OBP2B: variants seen among roughly 807,000 people sequenced by gnomAD.
OBP2B encodes odorant binding protein 2B.
In OBP2B, 10 loss-of-function variants were observed where a neutral mutation model predicts 21.7. The ratio of observed to expected loss-of-function variants is 0.46; its 90% CI spans 0.28 to 0.78. OBP2B has a LOEUF of 0.78. OBP2B is among the 30% of genes least tolerant of loss of function. The probability of loss-of-function intolerance (pLI) is 0.11; values close to 1 mark genes in which losing one functional copy is unlikely to be tolerated. For synonymous variants in OBP2B, 73 were observed against 91.5 expected, an observed-to-expected ratio of 0.80 and a Z score of 1.16; for missense variants, 153 against 217.7, an observed-to-expected ratio of 0.70 and a Z score of 1.87.
the OBP2B span, among the ~76,000 whole-genome samples, chr9:133,221,777 CAA>C: frequency 6.6e-6 from 1 of 152,140 alleles, no homozygotes; most frequent in Non-Finnish European, 1.5e-5. Flanking sequence ...GAGTTGGATT[CAA>C]AAGTCGCCAA....
chr9:133,205,351 G>C lies in OBP2B; in HGVS notation c.*62C>G. The C allele has an allele frequency of 1.3e-6, 2 of 1,531,540 alleles. No homozygotes were observed. Among genetic ancestry groups the C allele is most frequent in the Non-Finnish European group, 1.8e-6 (2 of 1,131,834 alleles). The allele number at this position is 1,531,540 out of a possible 1,614,324, so 94.9% of individuals were successfully genotyped here. On this transcript the variant is annotated 3_prime_UTR_variant, in exon 7 of 7. Transcript: ENST00000372034. ...GGGTCATGGCTGGAGGGTAGGTCCA[G>C]GTGGTCCAGGCTCTGTGTCTGGTGG...
chr9:133,208,204 C>T lies in OBP2B; in HGVS notation c.207-1G>A, dbSNP rs782166309. 8 of 1,612,006 alleles carry T rather than the reference C, an allele frequency of 5.0e-6. No individual in the cohort carries two copies. Among genetic ancestry groups the T allele is most frequent in the Non-Finnish European group, 5.1e-6 (6 of 1,179,856 alleles). On this transcript the variant is annotated splice_acceptor_variant, in intron 2 of 6. Coordinates refer to ENST00000372034, the MANE Select transcript of OBP2B (RefSeq NM_014581.4). LOFTEE classifies it high-confidence loss of function. ...CTTCTGGATGCACCTATCCTCCCTC[C>T]TGGAAAACAGGAGACACGCGGGCAG...
At chr9:133,211,877 G>A (rs1364488985), upstream of OBP2B, among the ~76,000 whole-genome samples, 2 of 152,152 alleles carry the variant, frequency 1.3e-5, no homozygotes, top group Non-Finnish European at 2.9e-5. Flanking sequence ...TATATTAAAT[G>A]TAAATGGTTT....
At chr9:133,213,044 A>T (rs1833934615), upstream of OBP2B, among the ~76,000 whole-genome samples, 1 of 152,118 alleles carries the variant, frequency 6.6e-6, no homozygotes, top group Non-Finnish European at 1.5e-5. Context: ...GGACAGCATG[A>T]CAAAACCTCA....
At chr9:133,212,779 A>T (rs1240511247), upstream of OBP2B, among the ~76,000 whole-genome samples, 1 of 152,120 alleles carries the variant, frequency 6.6e-6, no homozygotes, top group African/African-American at 2.4e-5. Context: ...AAAAATGCAA[A>T]AACTAGCTGA....
intron 6 of OBP2B, 124 bp downstream of exon 6, chr9:133,205,793 G>T: frequency 8.7e-7 from 1 of 1,151,848 alleles, no homozygotes; most frequent in Non-Finnish European, 1.2e-6. Flanking sequence ...TGCCAACCTC[G>T]TGCCTGACCC....
the OBP2B span, among the ~76,000 whole-genome samples, chr9:133,218,708 G>T: frequency 1.3e-5 from 2 of 152,292 alleles, no homozygotes; most frequent in Middle Eastern, 3.4e-3. Flanking sequence ...TATGCCTGGA[G>T]GGAATTTCAA....
At chr9:133,206,471 G>C in intron 4 of OBP2B, 55 bp from the exon 5 acceptor site, 2 of 1,605,372 alleles carry the variant, frequency 1.2e-6, no homozygotes, top group Non-Finnish European at 1.7e-6. Context: ...CGGCCCTGCA[G>C]GGAGCAGATG....
upstream of OBP2B, among the ~76,000 whole-genome samples, chr9:133,210,800 T>A (rs766435749): frequency 4.6e-5 from 7 of 152,182 alleles, no homozygotes; most frequent in African/African-American, 7.2e-5. Flanking sequence ...ATTCGCCAAC[T>A]GTGTCCTTTT....
At chr9:133,222,700 C>T in the OBP2B span, among the ~76,000 whole-genome samples, 2 of 152,126 alleles carry the variant, frequency 1.3e-5, no homozygotes, top group African/African-American at 2.4e-5. Context: ...CACTGCGCTC[C>T]AGCCTGTGTG....
intron 6 of OBP2B, chr9:133,205,694 G>A: frequency 2.0e-6 from 1 of 500,688 alleles, no homozygotes; most frequent in Non-Finnish European, 3.5e-6. Context: ...AGGCCGAGGA[G>A]GACCCTCACT....
At chr9:133,222,539 C>T in the OBP2B span, among the ~76,000 whole-genome samples, 2 of 152,244 alleles carry the variant, frequency 1.3e-5, no homozygotes, top group South Asian at 2.1e-4. Context: ...ATCAGCCTGG[C>T]CAACATGGTG....
intron 5 of OBP2B, 67 bp downstream of exon 5, chr9:133,206,248 T>C (rs1415168836): frequency 6.5e-5 from 98 of 1,517,740 alleles, no homozygotes; most frequent in Non-Finnish European, 2.4e-5. Context: ...ATGGGGGTCA[T>C]GGGACACTGG....
At chr9:133,214,883 A>T in the OBP2B span, among the ~76,000 whole-genome samples, 1 of 152,252 alleles carries the variant, frequency 6.6e-6, no homozygotes, top group Non-Finnish European at 1.5e-5. Context: ...CTTGTATTTA[A>T]CATAGTACAG....
intron 4 of OBP2B, among the ~76,000 whole-genome samples, chr9:133,206,710 C>G (rs1158700486): frequency 1.3e-5 from 2 of 150,994 alleles, no homozygotes; most frequent in Non-Finnish European, 2.9e-5. Context: ...TGGATGAGAG[C>G]TCAGGGGTGG....
At chr9:133,220,272 A>G in the OBP2B span, among the ~76,000 whole-genome samples, 1 of 152,230 alleles carries the variant, frequency 6.6e-6, no homozygotes, top group African/African-American at 2.4e-5. Context: ...TGTGGAATAT[A>G]TATCAAATAA....
At chr9:133,211,316 C>T (rs113108791), upstream of OBP2B, among the ~76,000 whole-genome samples, 13 of 152,216 alleles carry the variant, frequency 8.5e-5, no homozygotes, top group African/African-American at 1.4e-4. Context: ...ATTTCAGAGA[C>T]GGTGGCTGGC....
the OBP2B span, among the ~76,000 whole-genome samples, chr9:133,218,704 T>C: frequency 1.3e-4 from 20 of 152,106 alleles, no homozygotes; most frequent in Non-Finnish European, 2.8e-4. Flanking sequence ...GCTTTATGCC[T>C]GGAGGGAATT....
upstream of OBP2B, chr9:133,209,348 T>C (rs1833861515): frequency 3.9e-6 from 3 of 768,778 alleles, no homozygotes; most frequent in Non-Finnish European, 6.5e-6. The surrounding 1 kb of genome is among the most constrained non-coding windows in gnomAD (Gnocchi z 6.0). Context: ...TGGCAACCAG[T>C]CCTGCATCCG....
Sources: allele counts gnomAD v4.1 joint callset (sites outside exome capture counted in the v4.1 genomes callset), GRCh38; gene constraint gnomAD v4.1.1; non-coding constraint Gnocchi (gnomAD v3.1); transcripts MANE v1.5; gene names NCBI Gene and HGNC (gene_info 2026-07-23, HGNC 2026-07-21).